Variants in PAN3 observed in about 807,000 individuals in gnomAD.
The protein encoded by PAN3 is poly(A) specific ribonuclease subunit PAN3.
A neutral mutation model predicts 96.2 loss-of-function variants in PAN3; 19 were observed. That is an observed-to-expected ratio of 0.20 (90% confidence interval 0.14 to 0.29). PAN3 has a LOEUF of 0.29. Ranked by LOEUF, PAN3 falls within the 10% of genes least tolerant of loss-of-function variation. The pLI, the probability that PAN3 is intolerant of heterozygous loss-of-function variation, is 1.00. For missense variants in PAN3, 882 were observed against 1,108.1 expected (o/e 0.80, Z 2.90); for synonymous variants, 433 against 406.6 (o/e 1.06, Z -0.78).
At position 28,138,605 on chromosome 13, in the gene PAN3, G is replaced by GCGGCGGCGGCGGCGGCGGCGGC. The variant is rs1869105426; in HGVS notation, c.-53_-52insCGGCGGCGGCGGCGGCGGCGGC. Reference sequence around the variant, plus strand: ...TTCCTTTCCTCCCCCGTCTATGGTGGTGGCGGCGGCGGCTCCTCGGGCGGC... The same window carrying GCGGCGGCGGCGGCGGCGGCGGC: ...TTCCTTTCCTCCCCCGTCTATGGTGGCGGCGGCGGCGGCGGCGGCGGCTGGCGGCGGCGGCTCCTCGGGCGGC... On this transcript the variant is annotated 5_prime_UTR_variant, in exon 1 of 19. Transcript: ENST00000380958. 9 of 480,042 alleles carry GCGGCGGCGGCGGCGGCGGCGGC rather than the reference G, an allele frequency of 1.9e-5. No individual in the cohort carries two copies. In the Admixed American group the frequency reaches 2.1e-4, roughly 11 times the overall value. 29.7% of individuals were successfully genotyped at this position (480,042 alleles called of 1,614,324 possible). A position where few individuals can be genotyped will look rare whatever the true frequency, so the allele number is the denominator to read the frequency against.
chr13:28,256,299 G>C lies in PAN3; in HGVS notation c.1008G>C (p.Ser336=). The change falls in exon 7 of 19, where the codon TCG becomes TCC. Residue 336 remains serine (S), a synonymous_variant. Transcript: ENST00000380958. ...PATAGLAPGM[S]LSAGSSPLHS... is the part of the protein sequence containing the mutation. Reference sequence around the variant, plus strand: ...TTTTTACATCTTCTTCAGGAATGTCGTTGTCTGCTGGGTCTTCCCCTCTTC... The same window carrying C: ...TTTTTACATCTTCTTCAGGAATGTCCTTGTCTGCTGGGTCTTCCCCTCTTC... 6.2e-7 allele frequency: 1 copy of C among 1,612,356 alleles called. No homozygotes were observed.
chr13:28,157,996 A>G (rs1015517859), intron 1 of PAN3, among the ~76,000 whole-genome samples: 3 of 152,256 alleles, frequency 2.0e-5, no homozygotes, highest in African/African-American at 7.2e-5. Flanking sequence ...GTACAAAAAC[A>G]GTGACATAGA....
At chr13:28,139,251 C>T (rs994413158) in intron 1 of PAN3, among the ~76,000 whole-genome samples, 164 bp downstream of exon 1, 1 of 151,906 alleles carries the variant, frequency 6.6e-6, no homozygotes, top group African/African-American at 2.4e-5. Flanking sequence ...CTTCCTTCTT[C>T]CTGCTTCCCC....
intron 6 of PAN3, among the ~76,000 whole-genome samples, chr13:28,245,123 A>G (rs1212166718): frequency 6.6e-6 from 1 of 152,206 alleles, no homozygotes; most frequent in Non-Finnish European, 1.5e-5. Flanking sequence ...CCGGGATTAT[A>G]GGCATGAGCC....
At chr13:28,273,230 A>T (rs1205958722) in intron 14 of PAN3, among the ~76,000 whole-genome samples, 2 of 152,140 alleles carry the variant, frequency 1.3e-5, no homozygotes, top group Non-Finnish European at 2.9e-5. Flanking sequence ...GATGCTTCTT[A>T]GCTATTTTGC....
chr13:28,215,073 A>G (rs1249400704), intron 5 of PAN3: 1 of 951,502 alleles, frequency 1.1e-6, no homozygotes, highest in Non-Finnish European at 1.7e-6. Context: ...CAATCCTGAC[A>G]CAGTAGCATT....
chr13:28,236,804 C>T (rs540809682), intron 6 of PAN3, among the ~76,000 whole-genome samples: 1 of 152,122 alleles, frequency 6.6e-6, no homozygotes, highest in South Asian at 2.1e-4. Flanking sequence ...TGGGGTCTCC[C>T]TTTGTTGCCC....
At chr13:28,162,001 ACACT>A (rs566716276) in intron 1 of PAN3, among the ~76,000 whole-genome samples, 6 of 152,216 alleles carry the variant, frequency 3.9e-5, no homozygotes, top group South Asian at 2.1e-4. Context: ...TTTTCCTAAC[ACACT>A]CTATTACAAA....
intron 4 of PAN3, among the ~76,000 whole-genome samples, chr13:28,191,314 T>C (rs1877230558): frequency 6.6e-6 from 1 of 152,242 alleles, no homozygotes; most frequent in Non-Finnish European, 1.5e-5. Flanking sequence ...ACAAGTAAGC[T>C]TTCACTAGTT....
intron 6 of PAN3, among the ~76,000 whole-genome samples, chr13:28,252,798 G>T (rs964800766): frequency 3.3e-5 from 5 of 152,102 alleles, no homozygotes; most frequent in African/African-American, 9.7e-5. Context: ...ATACGAAAGT[G>T]AAATATTCTT....
At chr13:28,189,337 G>A (rs1205603698) in intron 4 of PAN3, among the ~76,000 whole-genome samples, 1 of 152,118 alleles carries the variant, frequency 6.6e-6, no homozygotes, top group African/African-American at 2.4e-5. Flanking sequence ...CCAACATGGT[G>A]AAACCTCATC....
intron 1 of PAN3, among the ~76,000 whole-genome samples, chr13:28,151,302 T>A (rs1293110794): frequency 6.6e-6 from 1 of 152,068 alleles, no homozygotes; most frequent in Non-Finnish European, 1.5e-5. Context: ...GATCACCAGG[T>A]CAGGAGATCA....
intron 1 of PAN3, among the ~76,000 whole-genome samples, chr13:28,173,577 T>G (rs1226619311): frequency 6.6e-6 from 1 of 152,206 alleles, no homozygotes; most frequent in African/African-American, 2.4e-5. Flanking sequence ...TGCTTCTTAC[T>G]GGGGTTGAAG....
intron 12 of PAN3, among the ~76,000 whole-genome samples, chr13:28,268,668 T>C (rs1886375523): frequency 6.6e-6 from 1 of 152,168 alleles, no homozygotes; most frequent in Non-Finnish European, 1.5e-5. Context: ...TTATTATGCT[T>C]TTTAATCTTA....
chr13:28,292,581 C>A lies in PAN3; in HGVS notation c.*59C>A. On this transcript the variant is annotated 3_prime_UTR_variant, in exon 19 of 19. Coordinates refer to ENST00000380958, the MANE Select transcript of PAN3 (RefSeq NM_175854.8). ...AGACCTTAACCAATAGCAAATTGCA[C>A]TACAGCTGAACTTTTCATCATCTCA... The A allele has an allele frequency of 6.7e-7, 1 of 1,493,190 alleles. No individual in the cohort carries two copies. Among genetic ancestry groups the A allele is most frequent in the Non-Finnish European group, 9.0e-7 (1 of 1,113,444 alleles). 92.5% of individuals were successfully genotyped at this position (1,493,190 alleles called of 1,614,324 possible).
intron 5 of PAN3, among the ~76,000 whole-genome samples, chr13:28,214,064 G>A (rs903218419): frequency 6.6e-6 from 1 of 151,870 alleles, no homozygotes; most frequent in Non-Finnish European, 1.5e-5. Context: ...CTCCAGCCTG[G>A]GTGACAAAGC....
intron 15 of PAN3, among the ~76,000 whole-genome samples, chr13:28,279,652 C>G (rs1313925768): frequency 6.6e-6 from 1 of 151,272 alleles, no homozygotes; most frequent in Non-Finnish European, 1.5e-5. Flanking sequence ...CCCAGTTATT[C>G]ACGAGGCTAA....
At chr13:28,254,621 A>G (rs566076695) in intron 6 of PAN3, among the ~76,000 whole-genome samples, 6 of 152,192 alleles carry the variant, frequency 3.9e-5, no homozygotes, top group East Asian at 1.9e-4. Flanking sequence ...ACTGTACAAT[A>G]TAGAGTTAGA....
chr13:28,220,215 T>C lies in PAN3; in HGVS notation c.853-16T>C, dbSNP rs1593500179. 1.9e-6 allele frequency: 3 copies of C among 1,609,788 alleles called. No homozygotes were observed. The highest frequency in any genetic ancestry group is 1.7e-5 in the Admixed American group (1 of 59,536). On this transcript the variant is annotated splice_polypyrimidine_tract_variant and intron_variant, in intron 5 of 18. Transcript: ENST00000380958. Reference sequence around the variant, plus strand: ...GCTTAAAGTGTGTTAACTTACTATATTTGATTTTTAAATAGACACCAAATC... The same window carrying C: ...GCTTAAAGTGTGTTAACTTACTATACTTGATTTTTAAATAGACACCAAATC...
Sources: gnomAD v4.1 joint callset for allele counts (sites outside exome capture counted in the v4.1 genomes callset) on GRCh38, gnomAD v4.1.1 for gene constraint, MANE v1.5 for transcripts, NCBI Gene and HGNC (gene_info 2026-07-23, HGNC 2026-07-21) for gene names.